BASP1: variants seen among roughly 807,000 people sequenced by gnomAD.
BASP1 encodes the protein brain abundant membrane attached signal protein 1, also known as brain acid soluble protein 1.
Under a neutral mutation model 2.2 loss-of-function variants are expected in BASP1, and 1 was observed. The observed-to-expected ratio is 0.46, with a 90% CI of 0.16 to 2.17. The LOEUF (loss-of-function observed/expected upper bound fraction) is 2.17, where lower values mean the gene tolerates loss of function less well. Among genes scored for constraint, BASP1 ranks in the 30% most tolerant of loss-of-function variants. BASP1 has a pLI of 0.27. For synonymous variants in BASP1, 187 were observed against 154.2 expected (o/e 1.21, Z -1.58); for missense variants, 352 against 327.2 (o/e 1.08, Z -0.58).
chr5:17,261,976 C>A (rs1044460751), intron 1 of BASP1, among the ~76,000 whole-genome samples: 1 of 152,158 alleles, frequency 6.6e-6, no homozygotes, highest in African/African-American at 2.4e-5. Context: ...AGCCCATCAC[C>A]GGATCAATTT....
chr5:17,253,800 G>T (rs1446205997), intron 1 of BASP1, among the ~76,000 whole-genome samples: 1 of 152,156 alleles, frequency 6.6e-6, no homozygotes, highest in Non-Finnish European at 1.5e-5. Context: ...GATCAAGGGA[G>T]AGCGTGGATA....
intron 1 of BASP1, among the ~76,000 whole-genome samples, chr5:17,244,721 CTCGCTCTGTTGCCA>C (rs1316573578): frequency 6.9e-6 from 1 of 144,736 alleles, no homozygotes; most frequent in African/African-American, 2.6e-5. Context: ...GAGACGGAGT[CTCGCTCTGTTGCCA>C]GGCTGTAGTG....
chr5:17,229,784 GTTTTTT>G (rs60139148), intron 1 of BASP1, among the ~76,000 whole-genome samples: 13 of 128,908 alleles, frequency 1.0e-4, no homozygotes, highest in African/African-American at 3.9e-4. Flanking sequence ...GTAGGATTGG[GTTTTTT>G]TTTTTTTTTT....
chr5:17,274,182 A>ATAGTTTGAATC (rs1740582254), intron 1 of BASP1, among the ~76,000 whole-genome samples: 1 of 152,224 alleles, frequency 6.6e-6, no homozygotes, highest in South Asian at 2.1e-4. Flanking sequence ...ACGTGCATGT[A>ATAGTTTGAATC]TAGTTTGAAT....
chr5:17,228,405 A>G (rs1739562800), intron 1 of BASP1, among the ~76,000 whole-genome samples: 1 of 152,202 alleles, frequency 6.6e-6, no homozygotes, highest in East Asian at 1.9e-4. Flanking sequence ...ATGAATTCTT[A>G]ATGGGAAAGG....
intron 1 of BASP1, among the ~76,000 whole-genome samples, chr5:17,274,238 G>A (rs1740582965): frequency 6.6e-6 from 1 of 152,086 alleles, no homozygotes; most frequent in Non-Finnish European, 1.5e-5. Context: ...TGTTACTATA[G>A]AACTACTTTT....
rs953492079 is a variant in BASP1, at chr5:17,260,528, C to T, written c.-9-14680C>T. 2.0e-5 allele frequency among the ~76,000 whole-genome samples: 3 copies of T among 152,064 alleles called. No individual in the cohort carries two copies. Among genetic ancestry groups the T allele is most frequent in the South Asian group, 2.1e-4 (1 of 4,818 alleles). On this transcript the variant is annotated intron_variant, in intron 1 of 1. Transcript: ENST00000322611. The surrounding 1 kb of genome is among the most constrained non-coding windows in gnomAD (Gnocchi z 4.2). ...GCAGAGAGTTTGTGATCATGGATGG[C>T]GCCTGGAACTTGACCGCATTTCATT...
rs748870373 is a variant in BASP1 at position 17,253,833 on chromosome 5, G to A, written c.-9-21375G>A. Among the ~76,000 whole-genome samples, 12 of 152,136 alleles carry A rather than the reference G, an allele frequency of 7.9e-5. 1 individual carries two copies. The East Asian group carries it at 1.7e-3, about 22-fold the overall frequency. ...ATACTTGCTTTATTAACAAATTTAC[G>A]TGTGTTTTACTCACCAGTGATGAGA... On this transcript the variant is annotated intron_variant, in intron 1 of 1. Coordinates refer to ENST00000322611, the MANE Select transcript of BASP1 (RefSeq NM_006317.5).
At chr5:17,268,779 C>A (rs1740476929) in intron 1 of BASP1, among the ~76,000 whole-genome samples, 1 of 152,170 alleles carries the variant, frequency 6.6e-6, no homozygotes, top group African/African-American at 2.4e-5. Context: ...TTATTTCTCA[C>A]CTTTACTCTC....
intron 1 of BASP1, among the ~76,000 whole-genome samples, chr5:17,269,671 T>TG (rs1330390213): frequency 5.3e-5 from 8 of 152,226 alleles, no homozygotes; most frequent in Non-Finnish European, 7.3e-5. Flanking sequence ...AAGATAGTTG[T>TG]GGGGGATTTT....
rs556259264 is a variant in BASP1, at chr5:17,245,528, T to G, written c.-10+27718T>G. Among the ~76,000 whole-genome samples the G allele has an allele frequency of 7.0e-4, 107 of 152,260 alleles. 1 individual carries two copies. The highest frequency in any genetic ancestry group is 2.2e-3 in the Admixed American group (34 of 15,296). ...AGGAGACCAAATCTATCAATACCAC[T>G]TTGTGGTTAATTTATTTTTAAAAAT... On this transcript the variant is annotated intron_variant, in intron 1 of 1. Coordinates refer to ENST00000322611, the MANE Select transcript of BASP1 (RefSeq NM_006317.5).
chr5:17,276,739 CAA>C lies in BASP1; in HGVS notation c.*848_*849del, dbSNP rs11447766. 3 of 147,910 alleles carry C rather than the reference CAA, an allele frequency of 2.0e-5. No homozygotes were observed. Among genetic ancestry groups the C allele is most frequent in the African/African-American group, 8.3e-5 (3 of 36,054 alleles). The allele number at this position is 147,910 out of a possible 1,614,324, so 9.2% of individuals were successfully genotyped here. On this transcript the variant is annotated 3_prime_UTR_variant, in exon 2 of 2. Transcript: ENST00000322611. ...CTCATTGGAAAATGGAAAAAAAAAA[CAA>C]AAAAAAAACAAAAAAATGTACAATG...
intron 1 of BASP1, among the ~76,000 whole-genome samples, chr5:17,220,115 T>C (rs573354899): frequency 1.3e-5 from 2 of 152,342 alleles, no homozygotes; most frequent in South Asian, 4.1e-4. Flanking sequence ...GTTTTATGCT[T>C]AAGTACTGTC....
chr5:17,255,740 T>G (rs926798860), intron 1 of BASP1, among the ~76,000 whole-genome samples: 5 of 128,816 alleles, frequency 3.9e-5, no homozygotes, highest in African/African-American at 1.3e-4. Flanking sequence ...AATTTGCTCA[T>G]GTTAAATGCA....
intron 1 of BASP1, among the ~76,000 whole-genome samples, chr5:17,269,817 T>C (rs2126520191): frequency 6.6e-6 from 1 of 152,332 alleles, no homozygotes; most frequent in Non-Finnish European, 1.5e-5. Flanking sequence ...TTTAGCTTAT[T>C]AGCCAAGATA....
chr5:17,259,774 G>A (rs1304699278), intron 1 of BASP1, among the ~76,000 whole-genome samples: 2 of 152,188 alleles, frequency 1.3e-5, no homozygotes, highest in Admixed American at 1.3e-4. Flanking sequence ...TCACCAGCCT[G>A]TCTTTGTCAG....
chr5:17,257,511 T>C (rs991097996), intron 1 of BASP1, among the ~76,000 whole-genome samples: 38 of 152,312 alleles, frequency 2.5e-4, no homozygotes, highest in Middle Eastern at 3.4e-3. Context: ...ACCTACTGTG[T>C]GTAGTGAGCT....
At chr5:17,225,755 A>C (rs1033419064) in intron 1 of BASP1, among the ~76,000 whole-genome samples, 1 of 152,162 alleles carries the variant, frequency 6.6e-6, no homozygotes, top group Non-Finnish European at 1.5e-5. Flanking sequence ...TGGTGGATGG[A>C]GAGCTTTTAT....
At chr5:17,246,273 A>T (rs1200600998) in intron 1 of BASP1, among the ~76,000 whole-genome samples, 1 of 151,806 alleles carries the variant, frequency 6.6e-6, no homozygotes, top group Non-Finnish European at 1.5e-5. Flanking sequence ...TAAGGTCAGG[A>T]GTTCGAGGCC....
Sources: allele counts gnomAD v4.1 joint callset (sites outside exome capture counted in the v4.1 genomes callset), GRCh38; gene constraint gnomAD v4.1.1; non-coding constraint Gnocchi (gnomAD v3.1); transcripts MANE v1.5; gene names NCBI Gene and HGNC (gene_info 2026-07-23, HGNC 2026-07-21).